DNAH14: variants seen among roughly 807,000 people sequenced by gnomAD.
DNAH14 encodes the protein axonemal beta dynein heavy chain 14.
Under a neutral mutation model 520.9 loss-of-function variants are expected in DNAH14, and 478 were observed. That is an observed-to-expected ratio of 0.92 (90% CI 0.85 to 0.99). The LOEUF (loss-of-function observed/expected upper bound fraction) is 0.99, where lower values mean the gene tolerates loss of function less well. Among genes scored for constraint, DNAH14 ranks in the 50% least tolerant of loss-of-function variants. The pLI, the probability that DNAH14 is intolerant of heterozygous loss-of-function variation, is 0.00. For synonymous variants in DNAH14, 1,581 were observed against 1,757.2 expected, an observed-to-expected ratio of 0.90 and a Z score of 2.51; for missense variants, 4,831 against 5,234.5, an observed-to-expected ratio of 0.92 and a Z score of 2.38.
chr1:225,375,340 C>T (rs767561558), intron 78 of DNAH14, among the ~76,000 whole-genome samples: 1 of 152,196 alleles, frequency 6.6e-6, no homozygotes, highest in Non-Finnish European at 1.5e-5. Flanking sequence ...TATTAGACAC[C>T]AGCAGCTGTG....
At chr1:225,327,221 G>A (rs1364415371) in intron 64 of DNAH14, among the ~76,000 whole-genome samples, 3 of 151,344 alleles carry the variant, frequency 2.0e-5, no homozygotes, top group African/African-American at 7.3e-5. Context: ...GCAGAGGCGC[G>A]ATCTCGGCTC....
intron 71 of DNAH14, among the ~76,000 whole-genome samples, 152 bp downstream of exon 71, chr1:225,346,806 T>A (rs2095293001): frequency 6.6e-6 from 1 of 152,154 alleles, no homozygotes; most frequent in Admixed American, 6.6e-5. Flanking sequence ...AATTTTTTAA[T>A]GAATGAATGA....
chr1:225,376,020 G>A (rs944214698), intron 78 of DNAH14, among the ~76,000 whole-genome samples: 3 of 148,586 alleles, frequency 2.0e-5, no homozygotes, highest in Non-Finnish European at 4.5e-5. Context: ...CCCAGGAGGT[G>A]GAGATTTCAG....
chr1:225,002,964 A>G (rs1404655827), intron 9 of DNAH14, 37 bp downstream of exon 9: 3 of 1,427,260 alleles, frequency 2.1e-6, no homozygotes, highest in East Asian at 2.6e-5. Context: ...TAATATTGGT[A>G]TATAGAAACT....
At chr1:225,357,042 A>G (rs1396177988) in intron 73 of DNAH14, among the ~76,000 whole-genome samples, 1 of 152,190 alleles carries the variant, frequency 6.6e-6, no homozygotes, top group Non-Finnish European at 1.5e-5. Context: ...AGATTGTCAC[A>G]TAAAAGATTA....
intron 13 of DNAH14, among the ~76,000 whole-genome samples, chr1:225,043,383 A>T (rs965997919): frequency 7.2e-5 from 11 of 152,192 alleles, no homozygotes; most frequent in South Asian, 2.1e-4. Context: ...TTTATAGATT[A>T]TGATTTTATA....
chr1:225,103,921 C>A (rs1350977209), intron 23 of DNAH14, among the ~76,000 whole-genome samples: 1 of 139,134 alleles, frequency 7.2e-6, no homozygotes, highest in Non-Finnish European at 1.5e-5. Context: ...GAACTTCCAA[C>A]ACTATGTTGA....
chr1:225,270,642 A>T, intron 49 of DNAH14, 93 bp from the exon 50 acceptor site: 1 of 1,091,520 alleles, frequency 9.2e-7, no homozygotes, highest in Non-Finnish European at 1.2e-6. Context: ...AAATGTTTTT[A>T]AATGTTTTGT....
intron 55 of DNAH14, among the ~76,000 whole-genome samples, chr1:225,299,222 A>G (rs748349570): frequency 2.0e-5 from 3 of 152,244 alleles, no homozygotes; most frequent in African/African-American, 7.2e-5. Flanking sequence ...TTCACAAAGT[A>G]TACTCTTCCA....
At position 225,206,177 on chromosome 1, in the gene DNAH14, A is replaced by T. The variant is rs1294279158; in HGVS notation, c.6184A>T (p.Met2062Leu). ...TGTCAGCCGATGTGCCATGGTCTATATGGTAAGCTTTCAAAAACAAATGTT... is the reference window on the plus strand; with the variant it reads ...TGTCAGCCGATGTGCCATGGTCTATTTGGTAAGCTTTCAAAAACAAATGTT... The part of the protein sequence containing the change: ...ATVSRCAMVY[M>L]DPVDLGWEPY... Residue 2062 changes from methionine to leucine, a missense_variant and splice_region_variant, in exon 40 of 86, where the codon ATG becomes TTG. By Grantham distance (15) the Met-to-Leu change is conservative. Transcript: ENST00000682510. The T allele has an allele frequency of 4.6e-6, 7 of 1,535,748 alleles. No homozygotes were observed. The South Asian group carries it at 4.9e-5, about 11-fold the overall frequency.
At chr1:224,964,693 T>C in intron 5 of DNAH14, 84 bp downstream of exon 5, 2 of 1,208,642 alleles carry the variant, frequency 1.7e-6, no homozygotes, top group Non-Finnish European at 2.2e-6. Context: ...TCAGATATTA[T>C]GTCAAAGTCA....
chr1:225,054,086 C>T (rs545841790), intron 17 of DNAH14, among the ~76,000 whole-genome samples: 3 of 152,256 alleles, frequency 2.0e-5, no homozygotes, highest in South Asian at 4.1e-4. Context: ...ACGTTAATGC[C>T]GGGTCAGACA....
At chr1:225,072,963 A>T (rs1395721870) in intron 17 of DNAH14, among the ~76,000 whole-genome samples, 1 of 152,138 alleles carries the variant, frequency 6.6e-6, no homozygotes, top group Non-Finnish European at 1.5e-5. Flanking sequence ...TGGTGGTCTC[A>T]TCCAGTCATG....
intron 41 of DNAH14, among the ~76,000 whole-genome samples, chr1:225,221,567 C>T (rs2090052612): frequency 6.6e-6 from 1 of 152,156 alleles, no homozygotes; most frequent in Admixed American, 6.5e-5. Context: ...CTTCACTGGT[C>T]ATTAGAAAAA....
At chr1:225,069,258 G>T (rs1231036033) in intron 17 of DNAH14, among the ~76,000 whole-genome samples, 1 of 152,134 alleles carries the variant, frequency 6.6e-6, no homozygotes. Context: ...TAGGAGTGGT[G>T]AAAGAGTACA....
Position 225,337,325 on chromosome 1 carries a change from C to G in DNAH14, c.10140C>G (p.Ile3380Met), listed in dbSNP as rs1003526895. The change falls in exon 67 of 86, where the codon ATC becomes ATG. Residue 3380 changes from isoleucine (I) to methionine (M), a missense_variant. By Grantham distance (10) the Ile-to-Met change is conservative. Transcript: ENST00000682510. ...GTCAGTATTCAGTAGAGAATGCCAT[C>G]TTGATCAAGAATGGCCAGCAGTGGC... ...PHGQYSVENA[I>M]LIKNGQQWPL... 6.4e-7 allele frequency: 1 copy of G among 1,551,820 alleles called. No homozygotes were observed. The highest frequency in any genetic ancestry group is 8.7e-7 in the Non-Finnish European group (1 of 1,146,996).
intron 1 of DNAH14, among the ~76,000 whole-genome samples, chr1:224,944,176 C>T (rs1038685899): frequency 6.6e-6 from 1 of 152,148 alleles, no homozygotes; most frequent in Non-Finnish European, 1.5e-5. Context: ...AATCTGGGTG[C>T]TCCTGTATTG....
chr1:225,270,401 A>C (rs2093281651), intron 49 of DNAH14, among the ~76,000 whole-genome samples: 1 of 152,086 alleles, frequency 6.6e-6, no homozygotes, highest in African/African-American at 2.4e-5. Flanking sequence ...CAGCACACCA[A>C]CATGGCATAT....
At position 225,133,028 on chromosome 1, in the gene DNAH14, G is replaced by T. The variant is rs568227265; in HGVS notation, c.4255-7740G>T. ...TTGGGCGCATGTATGTCTTTTTTTT[G>T]AGAAGTATCTGTTCATGTCCTTTGC... On this transcript the variant is annotated intron_variant, in intron 27 of 85. Transcript: ENST00000682510. Among the ~76,000 whole-genome samples, 3 of 151,960 alleles carry T rather than the reference G, an allele frequency of 2.0e-5. No homozygotes were observed. In the East Asian group the frequency reaches 5.8e-4, roughly 29 times the overall value.
Sources: gnomAD v4.1 joint callset for allele counts (sites outside exome capture counted in the v4.1 genomes callset) on GRCh38, gnomAD v4.1.1 for gene constraint, MANE v1.5 for transcripts, NCBI Gene and HGNC (gene_info 2026-07-23, HGNC 2026-07-21) for gene names.